Variants in ARFGEF2 observed in about 807,000 individuals in gnomAD.
The protein encoded by ARFGEF2 is brefeldin A-inhibited guanine nucleotide-exchange protein 2.
Under a neutral mutation model 219.9 loss-of-function variants are expected in ARFGEF2, and 74 were observed. The observed-to-expected ratio is 0.34, with a 90% confidence interval of 0.28 to 0.41. The LOEUF (loss-of-function observed/expected upper bound fraction) is 0.41, where lower values mean the gene tolerates loss of function less well. ARFGEF2 is among the 10% of genes least tolerant of loss of function. The probability of loss-of-function intolerance (pLI) is 1.00; values close to 1 mark genes in which losing one functional copy is unlikely to be tolerated. For synonymous variants in ARFGEF2, 733 were observed against 799.2 expected, an observed-to-expected ratio of 0.92 and a Z score of 1.40; for missense variants, 1,743 against 2,218.3, an observed-to-expected ratio of 0.79 and a Z score of 4.30.
intron 25 of ARFGEF2, among the ~76,000 whole-genome samples, chr20:49,003,018 A>T (rs2091434829): frequency 7.6e-6 from 1 of 130,890 alleles, no homozygotes; most frequent in African/African-American, 3.0e-5. Flanking sequence ...CCCAGGCTGG[A>T]GTGCAGTGGC....
chr20:49,011,137 G>A (rs1042470418), intron 27 of ARFGEF2, among the ~76,000 whole-genome samples: 13 of 152,188 alleles, frequency 8.5e-5, no homozygotes, highest in African/African-American at 3.1e-4. Flanking sequence ...TCAGGCATGA[G>A]TTACAGTGCT....
Position 49,016,352 on chromosome 20 carries a change from GA to G in ARFGEF2, c.4254del (p.Ala1419LeufsTer2). On this transcript the variant is annotated frameshift_variant, in exon 31 of 39. Coordinates refer to ENST00000371917, the MANE Select transcript of ARFGEF2 (RefSeq NM_006420.3). LOFTEE classifies it high-confidence loss of function. The part of the protein sequence containing the change: ...AICDVFTQFY[E>X]ALNEVLLSDV... ...TTGTGATGTTTTTACCCAGTTTTATGAAGCTTTGAATGAAGTTCTTCTTTCT... is the reference window on the plus strand; with the variant it reads ...TTGTGATGTTTTTACCCAGTTTTATGAGCTTTGAATGAAGTTCTTCTTTCT... The G allele has an allele frequency of 6.2e-7, 1 of 1,613,978 alleles. No individual in the cohort carries two copies.
Position 49,012,068 on chromosome 20 carries a change from T to C in ARFGEF2, c.3902T>C (p.Val1301Ala), listed in dbSNP as rs200097694. ...IRLIRFCGKY[V>A]SERPRVLQEY... ...CTCATCCGCTTCTGTGGCAAATACGTCTCTGAGAGGCCTCGGGTTCGTTTT... is the reference window on the plus strand; with the variant it reads ...CTCATCCGCTTCTGTGGCAAATACGCCTCTGAGAGGCCTCGGGTTCGTTTT... The change falls in exon 28 of 39, where the codon GTC becomes GCC. Residue 1301 changes from valine to alanine, a missense_variant. By Grantham distance (64) the Val-to-Ala change is moderately conservative (BLOSUM62 0). This residue lies in a region of ARFGEF2 where 578 missense variants were observed against 664.0 expected (regional missense o/e 0.87). Transcript: ENST00000371917. 2.0e-5 allele frequency: 33 copies of C among 1,614,192 alleles called. No individual in the cohort carries two copies. In the East Asian group the frequency reaches 6.9e-4, roughly 34 times the overall value.
chr20:49,021,556 G>T (rs1001660462), intron 34 of ARFGEF2, among the ~76,000 whole-genome samples: 5 of 151,852 alleles, frequency 3.3e-5, no homozygotes, highest in African/African-American at 1.2e-4. Flanking sequence ...TCAATATTAA[G>T]AATTGTTGGG....
chr20:48,969,398 G>C (rs539343486), intron 9 of ARFGEF2, 121 bp downstream of exon 9: 22 of 1,580,044 alleles, frequency 1.4e-5, no homozygotes, highest in Non-Finnish European at 1.8e-5. Flanking sequence ...CAGTGTAAGT[G>C]CAGGAACGGT....
chr20:48,982,752 C>T (rs2091304366), intron 14 of ARFGEF2, among the ~76,000 whole-genome samples: 1 of 152,232 alleles, frequency 6.6e-6, no homozygotes, highest in African/African-American at 2.4e-5. Context: ...CAATCTCAGA[C>T]TGCTGAGCCA....
chr20:49,003,421 G>A (rs1424990583), intron 25 of ARFGEF2, among the ~76,000 whole-genome samples: 4 of 150,912 alleles, frequency 2.7e-5, no homozygotes, highest in South Asian at 2.1e-4. Context: ...CCTGGCCAAC[G>A]TGGTGAAACC....
intron 22 of ARFGEF2, among the ~76,000 whole-genome samples, chr20:48,995,387 G>T (rs1183301145): frequency 6.6e-6 from 1 of 152,122 alleles, no homozygotes; most frequent in Non-Finnish European, 1.5e-5. Flanking sequence ...CACTTCTTAG[G>T]GTTCTCGTGA....
intron 36 of ARFGEF2, among the ~76,000 whole-genome samples, chr20:49,025,735 A>G (rs2123565855): frequency 6.6e-6 from 1 of 152,316 alleles, no homozygotes; most frequent in South Asian, 2.1e-4. Context: ...ACACTTTGGG[A>G]GGCTGAGGCA....
rs2091515376 is a variant in ARFGEF2 at position 49,013,843 on chromosome 20, C to T, written c.4062C>T (p.Val1354=). ...KLDVRTRGLT[V]MFEIMKSYGH... ...TTGTTTCCTCCAGGGGACTCACAGT[C>T]ATGTTTGAGATCATGAAGAGCTATG... Residue 1354 remains valine, a synonymous_variant, in exon 30 of 39, where the codon GTC becomes GTT. Coordinates refer to ENST00000371917, the MANE Select transcript of ARFGEF2 (RefSeq NM_006420.3). The T allele has an allele frequency of 1.9e-6, 3 of 1,614,094 alleles. No homozygotes were observed. In the East Asian group the frequency reaches 6.7e-5, roughly 36 times the overall value.
intron 34 of ARFGEF2, among the ~76,000 whole-genome samples, chr20:49,022,047 T>A (rs937370429): frequency 6.9e-6 from 1 of 144,028 alleles, no homozygotes. Flanking sequence ...ACCAGCTACT[T>A]GGGAGGCTGA....
chr20:48,972,458 C>CTT, intron 11 of ARFGEF2, 33 bp downstream of exon 11: 1 of 1,482,772 alleles, frequency 6.7e-7, no homozygotes, highest in Middle Eastern at 1.7e-4. Context: ...ATCCACTGGA[C>CTT]TTCTGATGCT....
At chr20:48,975,376 T>C (rs756979711) in intron 13 of ARFGEF2, among the ~76,000 whole-genome samples, 20 of 152,142 alleles carry the variant, frequency 1.3e-4, no homozygotes, top group Admixed American at 2.6e-4. Context: ...TTCTGTTCTG[T>C]TTATTTGTCT....
rs912319402 is a variant in ARFGEF2, at chr20:48,921,777, C to T, written c.-113C>T. 4 of 1,100,878 alleles carry T rather than the reference C, an allele frequency of 3.6e-6. No homozygotes were observed. The highest frequency in any genetic ancestry group is 4.5e-6 in the Non-Finnish European group (4 of 886,754). The allele number at this position is 1,100,878 out of a possible 1,614,324, so 68.2% of individuals were successfully genotyped here. A position where few individuals can be genotyped will look rare whatever the true frequency, so the allele number is the denominator to read the frequency against. On this transcript the variant is annotated 5_prime_UTR_variant, in exon 1 of 39. Coordinates refer to ENST00000371917, the MANE Select transcript of ARFGEF2 (RefSeq NM_006420.3). ...GCCGAGGTGTCGCTTCCTGACGGGGCGGCGCGGACGGACGCGGCCGGTGCC... is the reference window on the plus strand; with the variant it reads ...GCCGAGGTGTCGCTTCCTGACGGGGTGGCGCGGACGGACGCGGCCGGTGCC...
chr20:49,016,428 C>T lies in ARFGEF2; in HGVS notation c.4315+13C>T, dbSNP rs1054312011. 6.2e-7 allele frequency: 1 copy of T among 1,609,818 alleles called. No individual in the cohort carries two copies. Among genetic ancestry groups the T allele is most frequent in the African/African-American group, 1.3e-5 (1 of 74,862 alleles). ...TGTGTCAAACAAGGTACTCTTTAAG[C>T]CTCTAGGCATCATTTTTCTTACATA... On this transcript the variant is annotated intron_variant, in intron 31 of 38. Transcript: ENST00000371917.
intron 25 of ARFGEF2, among the ~76,000 whole-genome samples, chr20:49,002,571 G>A (rs145426772): frequency 1.2e-3 from 190 of 152,202 alleles, no homozygotes; most frequent in African/African-American, 4.2e-3. Context: ...GTGTTGTAGC[G>A]TGTATCAGAA....
chr20:49,032,130 A>C lies in ARFGEF2; in HGVS notation c.5145A>C (p.Leu1715Phe). The change falls in exon 38 of 39, where the codon TTA (leucine) becomes TTC (phenylalanine). Residue 1715 changes from leucine to phenylalanine, a missense_variant. By Grantham distance (22) the Leu-to-Phe change is conservative (BLOSUM62 0). Coordinates refer to ENST00000371917, the MANE Select transcript of ARFGEF2 (RefSeq NM_006420.3). The part of the protein sequence containing the change: ...HREAWTSLLL[L>F]LLTKTLKIND... ...AGGCCTGGACAAGTCTCTTGTTGTT[A>C]CTTCTAACTAAAACCCTCAAAATAA... is the stretch of plus-strand genomic sequence containing the variant. 1 of 1,613,898 alleles carries C rather than the reference A, an allele frequency of 6.2e-7. No individual in the cohort carries two copies. Among genetic ancestry groups the C allele is most frequent in the Non-Finnish European group, 8.5e-7 (1 of 1,179,890 alleles).
intron 31 of ARFGEF2, 81 bp downstream of exon 31, chr20:49,016,496 G>T (rs2091530955): frequency 6.8e-7 from 1 of 1,465,202 alleles, no homozygotes; most frequent in Non-Finnish European, 9.4e-7. Flanking sequence ...TAAAAGCATG[G>T]ATGTAGTGCC....
rs965214385 is a variant in ARFGEF2, at chr20:48,988,544, T to C, written c.2415T>C (p.Asn805=). ...EQYIKMNRGI[N]DSKDLPEEYL... ...ATATTAAAATGAATCGGGGTATCAA[T>C]GATAGTAAAGATCTGCCAGAAGAGT... Residue 805 remains asparagine (N), a synonymous_variant, in exon 18 of 39, where the codon AAT becomes AAC. Coordinates refer to ENST00000371917, the MANE Select transcript of ARFGEF2 (RefSeq NM_006420.3). 12 of 1,613,586 alleles carry C rather than the reference T, an allele frequency of 7.4e-6. No individual in the cohort carries two copies. In the African/African-American group the frequency reaches 1.6e-4, roughly 22 times the overall value.
Sources: gnomAD v4.1 joint callset for allele counts (sites outside exome capture counted in the v4.1 genomes callset) on GRCh38, gnomAD v4.1.1 for gene constraint, gnomAD v4.1.1 regional missense constraint, MANE v1.5 for transcripts, NCBI Gene and HGNC (gene_info 2026-07-23, HGNC 2026-07-21) for gene names.